ABCC9: variants seen among roughly 807,000 people sequenced by gnomAD.
ABCC9 encodes ATP binding cassette subfamily C member 9.
In ABCC9, 95 loss-of-function variants were observed where a neutral mutation model predicts 188.3. The observed-to-expected ratio is 0.50, with a 90% confidence interval of 0.43 to 0.60. The LOEUF (loss-of-function observed/expected upper bound fraction) is 0.60. Ranked by LOEUF, ABCC9 falls within the 20% of genes least tolerant of loss-of-function variation. The pLI is 0.00. For missense variants in ABCC9, 1,102 were observed against 1,876.3 expected (o/e 0.59, Z 7.62); for synonymous variants, 659 against 652.7 (o/e 1.01, Z -0.15).
intron 25 of ABCC9, among the ~76,000 whole-genome samples, chr12:21,847,474 T>G (rs1944734371): frequency 6.6e-6 from 1 of 152,110 alleles, no homozygotes. Flanking sequence ...TTTTAATTGG[T>G]TGGTAGAAAT....
chr12:21,852,308 C>T, intron 23 of ABCC9, 60 bp downstream of exon 23: 1 of 1,612,646 alleles, frequency 6.2e-7, no homozygotes. Flanking sequence ...GCATTTTTTA[C>T]TGTCTCTATT....
In ABCC9 at chr12:21,801,055, C is replaced by T; in HGVS notation, c.4639G>A (p.Ala1547Thr). 9 of 1,613,780 alleles carry T rather than the reference C, an allele frequency of 5.6e-6. No individual in the cohort carries two copies. Among genetic ancestry groups the T allele is most frequent in the Non-Finnish European group, 7.6e-6 (9 of 1,179,858 alleles). The change falls in exon 40 of 40, where the codon GCA becomes ACA. Residue 1547 changes from alanine to threonine, a missense_variant. Transcript: ENST00000261200. Reference sequence around the variant, plus strand: ...TTTAAGACACTCCTTCACATGTCTGCGCGAACAAAAGAAGCAAATACTCCA... The same window carrying T: ...TTTAAGACACTCCTTCACATGTCTGTGCGAACAAAAGAAGCAAATACTCCA... ...ENGVFASFVR[A>T]DM is the part of the protein sequence containing the mutation.
intron 2 of ABCC9, among the ~76,000 whole-genome samples, 185 bp downstream of exon 2, chr12:21,940,525 C>T (rs1043131793): frequency 3.3e-5 from 5 of 152,244 alleles, no homozygotes; most frequent in African/African-American, 9.6e-5. Context: ...AAATCACTGG[C>T]AAAAATGACC....
chr12:21,893,826 CTAGA>C (rs748076485), intron 14 of ABCC9, among the ~76,000 whole-genome samples: 3 of 151,750 alleles, frequency 2.0e-5, no homozygotes, highest in Non-Finnish European at 4.4e-5. Flanking sequence ...GAGAAAAATG[CTAGA>C]TAAATTTAAA....
intron 5 of ABCC9, among the ~76,000 whole-genome samples, chr12:21,918,278 C>T (rs1357627294): frequency 6.6e-6 from 1 of 151,870 alleles, no homozygotes; most frequent in East Asian, 1.9e-4. Flanking sequence ...GACATATGAC[C>T]AATGAAGATT....
chr12:21,810,468 G>T (rs1172249605), intron 36 of ABCC9, among the ~76,000 whole-genome samples: 1 of 152,110 alleles, frequency 6.6e-6, no homozygotes, highest in Non-Finnish European at 1.5e-5. Context: ...TGCAGGGCTG[G>T]GGAGGTCTCA....
chr12:21,852,260 G>A lies in ABCC9; in HGVS notation c.2644-38C>T, dbSNP rs199627982. On this transcript the variant is annotated intron_variant, in intron 23 of 39. Transcript: ENST00000261200. ...GATATTCCCAGAAATGTGACGAAAA[G>A]CCTTGATTGGCAAAATGAACTACCT... is the stretch of plus-strand genomic sequence containing the variant. 73 of 1,613,514 alleles carry A rather than the reference G, an allele frequency of 4.5e-5. No individual in the cohort carries two copies. The African/African-American group carries it at 8.8e-4, about 19-fold the overall frequency.
At chr12:21,899,877 T>A (rs1391181207) in intron 12 of ABCC9, among the ~76,000 whole-genome samples, 1 of 152,188 alleles carries the variant, frequency 6.6e-6, no homozygotes, top group Non-Finnish European at 1.5e-5. Context: ...AGACTCCACC[T>A]CTGGGGGCAG....
At chr12:21,889,590 CAATAAATCAAAGAAGG>C (rs1271501859) in intron 14 of ABCC9, among the ~76,000 whole-genome samples, 1 of 152,078 alleles carries the variant, frequency 6.6e-6, no homozygotes, top group Non-Finnish European at 1.5e-5. Flanking sequence ...AATGTTTGTT[CAATAAATCAAAGAAGG>C]AATAAATCAA....
intron 15 of ABCC9, among the ~76,000 whole-genome samples, chr12:21,886,099 T>G (rs562524877): frequency 6.6e-6 from 1 of 152,190 alleles, no homozygotes; most frequent in Non-Finnish European, 1.5e-5. Flanking sequence ...TTCTTCAAAA[T>G]TTTTTAGACA....
chr12:21,821,451 A>G (rs1211790062), intron 31 of ABCC9, among the ~76,000 whole-genome samples: 3 of 152,018 alleles, frequency 2.0e-5, no homozygotes, highest in Non-Finnish European at 4.4e-5. Flanking sequence ...TAATTGTGGG[A>G]AAAAAACTCA....
intron 18 of ABCC9, among the ~76,000 whole-genome samples, chr12:21,866,699 G>A (rs1223840905): frequency 6.6e-6 from 1 of 152,166 alleles, no homozygotes; most frequent in African/African-American, 2.4e-5. Context: ...TGATTTCAAG[G>A]AGTCGTCGAT....
At chr12:21,833,394 A>G (rs1341084044) in intron 30 of ABCC9, among the ~76,000 whole-genome samples, 1 of 151,864 alleles carries the variant, frequency 6.6e-6, no homozygotes, top group Non-Finnish European at 1.5e-5. Flanking sequence ...CTCTAATTCA[A>G]GCATTGAAAT....
At chr12:21,854,565 C>A (rs1260794430) in intron 22 of ABCC9, among the ~76,000 whole-genome samples, 1 of 152,184 alleles carries the variant, frequency 6.6e-6, no homozygotes, top group Non-Finnish European at 1.5e-5. Flanking sequence ...ATCTTTCAGA[C>A]CCTCTGGATC....
At position 21,799,749 on chromosome 12, in the gene ABCC9, A is replaced by G. The variant is rs1941343372; in HGVS notation, c.*1295T>C. On this transcript the variant is annotated 3_prime_UTR_variant, in exon 40 of 40. Transcript: ENST00000261200. ...ATATATCTTCACAATCTTACAATGC[A>G]TGTGGATCTTCATATGAAAAAGAAA... 1 of 152,196 alleles carries G rather than the reference A, an allele frequency of 6.6e-6. No individual in the cohort carries two copies. Among genetic ancestry groups the G allele is most frequent in the South Asian group, 2.1e-4 (1 of 4,834 alleles). 9.4% of individuals were successfully genotyped at this position (152,196 alleles called of 1,614,324 possible).
chr12:21,845,980 C>A, intron 25 of ABCC9, 148 bp from the exon 26 acceptor site: 1 of 673,200 alleles, frequency 1.5e-6, no homozygotes, highest in South Asian at 1.7e-5. Flanking sequence ...GTAGGGCAAA[C>A]CTTATTTCTT....
At chr12:21,867,641 C>A (rs1409465038) in intron 18 of ABCC9, among the ~76,000 whole-genome samples, 1 of 152,120 alleles carries the variant, frequency 6.6e-6, no homozygotes, top group East Asian at 1.9e-4. Context: ...GGAAAGCTGA[C>A]TTAATATTAT....
chr12:21,837,671 T>C (rs1279153350), intron 30 of ABCC9, among the ~76,000 whole-genome samples: 1 of 152,214 alleles, frequency 6.6e-6, no homozygotes, highest in East Asian at 1.9e-4. Context: ...TATTATTATT[T>C]ATACATTTAT....
Position 21,799,056 on chromosome 12 carries a change from A to G in ABCC9, c.*1988T>C, listed in dbSNP as rs1169105346. ...GGTGGGAATTGAACAATGAGATCAC[A>G]TGGACACAGGAAGGGGAATATCACA... On this transcript the variant is annotated 3_prime_UTR_variant, in exon 40 of 40. Transcript: ENST00000261200. 4.5e-4 allele frequency: 63 copies of G among 141,438 alleles called. No homozygotes were observed. The highest frequency in any genetic ancestry group is 1.6e-3 in the African/African-American group (60 of 38,142). The allele number at this position is 141,438 out of a possible 1,614,324, so 8.8% of individuals were successfully genotyped here.
Sources: gnomAD v4.1 joint callset for allele counts (sites outside exome capture counted in the v4.1 genomes callset) on GRCh38, gnomAD v4.1.1 for gene constraint, MANE v1.5 for transcripts, NCBI Gene and HGNC (gene_info 2026-07-23, HGNC 2026-07-21) for gene names.